Variants in PLA2G4A observed in about 807,000 individuals in gnomAD.
PLA2G4A encodes the protein cytosolic phospholipase A2.
A neutral mutation model predicts 81.9 loss-of-function variants in PLA2G4A; 40 were observed. The observed-to-expected ratio is 0.49, with a 90% CI of 0.38 to 0.64. The LOEUF is 0.64. PLA2G4A is among the 30% of genes least tolerant of loss of function. The probability of loss-of-function intolerance (pLI) is 0.00; values close to 1 mark genes in which losing one functional copy is unlikely to be tolerated. For missense variants in PLA2G4A, 715 were observed against 905.1 expected, an observed-to-expected ratio of 0.79 and a Z score of 2.69; for synonymous variants, 302 against 296.9, an observed-to-expected ratio of 1.02 and a Z score of -0.18.
chr1:186,916,266 A>T (rs1288569799), intron 7 of PLA2G4A, among the ~76,000 whole-genome samples: 1 of 152,106 alleles, frequency 6.6e-6, no homozygotes, highest in Non-Finnish European at 1.5e-5. Flanking sequence ...AGTGAGGATT[A>T]AGGGGATTGG....
intron 10 of PLA2G4A, among the ~76,000 whole-genome samples, chr1:186,945,147 G>A (rs1031676643): frequency 6.6e-6 from 1 of 152,144 alleles, no homozygotes; most frequent in African/African-American, 2.4e-5. Context: ...CTAAAATAAA[G>A]ATTAAGTAGG....
chr1:186,928,778 C>G (rs1305010008), intron 7 of PLA2G4A, among the ~76,000 whole-genome samples: 1 of 152,022 alleles, frequency 6.6e-6, no homozygotes, highest in Non-Finnish European at 1.5e-5. Flanking sequence ...GCTTGCGTAC[C>G]AGGATAATTA....
intron 14 of PLA2G4A, among the ~76,000 whole-genome samples, chr1:186,957,881 T>C (rs1036417314): frequency 6.6e-6 from 1 of 152,246 alleles, no homozygotes; most frequent in Non-Finnish European, 1.5e-5. Flanking sequence ...CATCTTTTCC[T>C]TAACGTCCAA....
At chr1:186,930,061 C>T (rs1406107492) in intron 7 of PLA2G4A, among the ~76,000 whole-genome samples, 3 of 151,894 alleles carry the variant, frequency 2.0e-5, no homozygotes, top group African/African-American at 7.3e-5. Context: ...GACAGAGACT[C>T]CAGCTTGGGT....
intron 1 of PLA2G4A, among the ~76,000 whole-genome samples, chr1:186,837,661 C>A (rs1425279642): frequency 5.0e-5 from 7 of 139,378 alleles, no homozygotes; most frequent in Admixed American, 3.7e-4. Context: ...GGCGTGAACC[C>A]AGGAGGCGGA....
Position 186,864,203 on chromosome 1 carries a change from A to G in PLA2G4A, c.34-6232A>G, listed in dbSNP as rs190989733. On this transcript the variant is annotated intron_variant, in intron 2 of 17. Transcript: ENST00000367466. ...CTTTTATTTATCCATTCATCCATTG[A>G]TGGGCACTTAGGTTGATTCCACATC... 9.9e-5 allele frequency among the ~76,000 whole-genome samples: 15 copies of G among 152,138 alleles called. No individual in the cohort carries two copies. In the East Asian group the frequency reaches 2.9e-3, roughly 29 times the overall value.
intron 1 of PLA2G4A, among the ~76,000 whole-genome samples, chr1:186,831,204 C>T (rs1232533343): frequency 1.3e-5 from 2 of 151,962 alleles, no homozygotes; most frequent in Non-Finnish European, 2.9e-5. Context: ...AAAGACAATT[C>T]ATATTACATG....
At chr1:186,858,450 G>A (rs1359672295) in intron 2 of PLA2G4A, among the ~76,000 whole-genome samples, 1 of 151,570 alleles carries the variant, frequency 6.6e-6, no homozygotes, top group Admixed American at 6.6e-5. Flanking sequence ...TTTTTGATAG[G>A]GTTGTTTTTT....
intron 17 of PLA2G4A, among the ~76,000 whole-genome samples, chr1:186,982,140 G>T (rs777814100): frequency 1.6e-4 from 25 of 152,184 alleles, no homozygotes; most frequent in Non-Finnish European, 2.9e-4. Flanking sequence ...TTGACCCTGG[G>T]AAATATTCTT....
intron 2 of PLA2G4A, among the ~76,000 whole-genome samples, chr1:186,857,790 C>T (rs1652644941): frequency 6.6e-6 from 1 of 151,742 alleles, no homozygotes; most frequent in Admixed American, 6.6e-5. Flanking sequence ...GTGTGATGTT[C>T]CCCGCTCTGT....
At chr1:186,842,553 G>A (rs1343756176) in intron 1 of PLA2G4A, among the ~76,000 whole-genome samples, 1 of 152,130 alleles carries the variant, frequency 6.6e-6, no homozygotes. Flanking sequence ...AAGTATTTGG[G>A]GATAAGTCCT....
chr1:186,961,833 T>A (rs951705573), intron 14 of PLA2G4A, among the ~76,000 whole-genome samples: 4 of 152,328 alleles, frequency 2.6e-5, no homozygotes, highest in East Asian at 3.9e-4. Context: ...ATTAGAGTAA[T>A]CTTCCTCCCT....
intron 14 of PLA2G4A, 123 bp downstream of exon 14, chr1:186,956,467 T>A (rs1452638600): frequency 4.1e-5 from 39 of 961,514 alleles, no homozygotes; most frequent in Non-Finnish European, 5.9e-5. Context: ...AACCTGCATT[T>A]AATGTGTGAA....
At chr1:186,924,000 A>C (rs997462869) in intron 7 of PLA2G4A, among the ~76,000 whole-genome samples, 1 of 152,178 alleles carries the variant, frequency 6.6e-6, no homozygotes, top group South Asian at 2.1e-4. Context: ...TGTCTTTTGC[A>C]ACCTCCCTCG....
chr1:186,900,523 T>C (rs1327183044), intron 5 of PLA2G4A, among the ~76,000 whole-genome samples: 1 of 152,212 alleles, frequency 6.6e-6, no homozygotes, highest in Admixed American at 6.5e-5. Flanking sequence ...ATACTAAATG[T>C]AGAGCTTATC....
At chr1:186,831,689 G>T (rs1013683257) in intron 1 of PLA2G4A, among the ~76,000 whole-genome samples, 31 of 151,954 alleles carry the variant, frequency 2.0e-4, no homozygotes, top group African/African-American at 7.5e-4. Flanking sequence ...ATAGAAAATT[G>T]CAAGGAAGAA....
chr1:186,929,734 AT>A (rs1196110397), intron 7 of PLA2G4A, among the ~76,000 whole-genome samples: 2 of 152,152 alleles, frequency 1.3e-5, no homozygotes, highest in Non-Finnish European at 2.9e-5. Context: ...TGGAAAAAAA[AT>A]CTTCTTTATG....
intron 2 of PLA2G4A, among the ~76,000 whole-genome samples, chr1:186,861,834 G>T (rs1652813079): frequency 1.3e-5 from 2 of 151,926 alleles, no homozygotes; most frequent in Admixed American, 1.3e-4. Context: ...CTAGAATGTG[G>T]ATCTTCACTG....
chr1:186,934,836 A>C (rs1655883366), intron 8 of PLA2G4A, among the ~76,000 whole-genome samples: 1 of 151,786 alleles, frequency 6.6e-6, no homozygotes, highest in Non-Finnish European at 1.5e-5. Flanking sequence ...ATCCTCTCTG[A>C]TTGGCCTCTC....
Sources: gnomAD v4.1 joint callset for allele counts (sites outside exome capture counted in the v4.1 genomes callset) on GRCh38, gnomAD v4.1.1 for gene constraint, MANE v1.5 for transcripts, NCBI Gene and HGNC (gene_info 2026-07-23, HGNC 2026-07-21) for gene names.